FRMPD4: variants seen among roughly 807,000 people sequenced by gnomAD.
FRMPD4 encodes the protein FERM and PDZ domain-containing protein 4.
Under a neutral mutation model 94.1 loss-of-function variants are expected in FRMPD4, and 22 were observed. That is an observed-to-expected ratio of 0.23 (90% confidence interval 0.17 to 0.33). FRMPD4 has a LOEUF of 0.33. Ranked by LOEUF, FRMPD4 falls within the 10% of genes least tolerant of loss-of-function variation. The pLI is 1.00. For missense variants in FRMPD4, 1,111 were observed against 1,339.9 expected, an observed-to-expected ratio of 0.83 and a Z score of 2.67; for synonymous variants, 631 against 548.6, an observed-to-expected ratio of 1.15 and a Z score of -2.10.
At chrX:12,260,764 G>A (rs929977227) in intron 1 of FRMPD4, among the ~76,000 whole-genome samples, 3 of 111,900 alleles carry the variant, frequency 2.7e-5, no homozygotes, top group Non-Finnish European at 5.6e-5. Context: ...ACTCTGTACT[G>A]TAATTTATGT....
intron 3 of FRMPD4, among the ~76,000 whole-genome samples, chrX:12,128,823 C>T: frequency 8.9e-6 from 1 of 112,160 alleles, no homozygotes; most frequent in East Asian, 2.8e-4. Flanking sequence ...TAAATCATCT[C>T]TTTCAATGTC....
At chrX:12,529,328 G>T (rs771924512) in intron 2 of FRMPD4, among the ~76,000 whole-genome samples, 53 of 112,673 alleles carry the variant, frequency 4.7e-4, no homozygotes, top group South Asian at 2.6e-3. Context: ...AAACTGAGAA[G>T]GCTAAAAAGA....
chrX:12,054,256 T>A (rs1268597822), intron 3 of FRMPD4, among the ~76,000 whole-genome samples: 3 of 111,010 alleles, frequency 2.7e-5, no homozygotes, highest in Admixed American at 9.6e-5. Flanking sequence ...CTAAACCCCA[T>A]CAGCCAATCA....
rs1460577377 is a variant in FRMPD4 at position 12,721,055 on chromosome X, T to C, written c.4486T>C (p.Trp1496Arg). ...CTTGCGGAAGCTGGAGGGCAGCAAT[T>C]GGAGATGCCGGGGACCCTTCAGCTA... is the stretch of plus-strand genomic sequence containing the variant. Reference protein sequence around the residue: ...LPLRKLEGSNWRCRGPFSYCF... With the variant: ...LPLRKLEGSNRRCRGPFSYCF... Residue 1496 changes from tryptophan to arginine, a missense_variant, in exon 17 of 17, where the codon TGG (tryptophan) becomes CGG (arginine). By Grantham distance (101) the Trp-to-Arg change is moderately radical. This residue lies in a region of FRMPD4 where 551 missense variants were observed against 591.6 expected (regional missense o/e 0.93). Transcript: ENST00000675598. The C allele has an allele frequency of 6.8e-5, 51 of 753,774 alleles. No individual in the cohort carries two copies. Among genetic ancestry groups the C allele is most frequent in the Non-Finnish European group, 8.0e-5 (51 of 638,402 alleles). 62.1% of individuals were successfully genotyped at this position (753,774 alleles called of 1,213,427 possible).
intron 4 of FRMPD4, among the ~76,000 whole-genome samples, chrX:12,639,836 A>G (rs902065612): frequency 2.7e-5 from 3 of 112,014 alleles, no homozygotes; most frequent in Non-Finnish European, 5.6e-5. Flanking sequence ...AGAGTTACAC[A>G]GCCAGTAGAT....
intron 3 of FRMPD4, among the ~76,000 whole-genome samples, chrX:11,934,083 C>T (rs1190644038): frequency 7.1e-5 from 8 of 112,307 alleles, no homozygotes; most frequent in Non-Finnish European, 1.9e-5. Flanking sequence ...AACTAGTCTA[C>T]TGCCGCATAA....
At position 12,716,097 on chromosome X, in the gene FRMPD4, C is replaced by A; in HGVS notation, c.1638C>A (p.Leu546=). The A allele has an allele frequency of 9.3e-7, 1 of 1,077,570 alleles. No individual in the cohort carries two copies. Among genetic ancestry groups the A allele is most frequent in the Admixed American group, 2.5e-5 (1 of 40,240 alleles). The allele number at this position is 1,077,570 out of a possible 1,213,427, so 88.8% of individuals were successfully genotyped here. ...TGPENKGKHN[L]LGPDWNCIPQ... is the part of the protein sequence containing the mutation. ...CTGAAAACAAGGGGAAGCATAACCT[C>A]CTTGGCCCAGATTGGAACTGTATAC... is the stretch of plus-strand genomic sequence containing the variant. Residue 546 remains leucine (L), a synonymous_variant, in exon 15 of 17, where the codon CTC becomes CTA. Transcript: ENST00000675598.
chrX:12,080,520 G>A (rs1340327770), intron 3 of FRMPD4, among the ~76,000 whole-genome samples: 1 of 112,163 alleles, frequency 8.9e-6, no homozygotes, highest in Non-Finnish European at 1.9e-5. Context: ...AAAGCCTGTG[G>A]ATTTCTGTGA....
chrX:11,833,061 A>G (rs959791748), intron 1 of FRMPD4, among the ~76,000 whole-genome samples: 11 of 112,396 alleles, frequency 9.8e-5, no homozygotes, highest in Non-Finnish European at 1.9e-5. Context: ...TTTGCCTTTA[A>G]CAGAATGTCA....
chrX:12,229,884 G>C (rs769380320), intron 1 of FRMPD4, among the ~76,000 whole-genome samples: 2 of 111,960 alleles, frequency 1.8e-5, no homozygotes, highest in Non-Finnish European at 3.8e-5. Context: ...ACTGTAGCAC[G>C]TCTCCTGAAG....
intron 1 of FRMPD4, among the ~76,000 whole-genome samples, chrX:12,359,702 T>G (rs146841575): frequency 2.0e-3 from 220 of 111,587 alleles, no homozygotes; most frequent in African/African-American, 6.8e-3. Flanking sequence ...ACTCCCGACC[T>G]CATGATCCAC....
At chrX:12,274,883 C>G (rs1367148319) in intron 1 of FRMPD4, among the ~76,000 whole-genome samples, 2 of 111,761 alleles carry the variant, frequency 1.8e-5, no homozygotes, top group Admixed American at 1.9e-4. Context: ...GTGGTGGGCA[C>G]CTGTAGTCCC....
chrX:12,053,442 AG>A (rs1431653690), intron 3 of FRMPD4, among the ~76,000 whole-genome samples: 15 of 105,670 alleles, frequency 1.4e-4, no homozygotes, highest in African/African-American at 3.5e-4. Flanking sequence ...GAAAGAAAGA[AG>A]AGAAGAGAAG....
intron 4 of FRMPD4, among the ~76,000 whole-genome samples, chrX:12,668,215 C>T (rs914165490): frequency 5.5e-5 from 6 of 109,690 alleles, no homozygotes; most frequent in Non-Finnish European, 1.1e-4. Flanking sequence ...CTCCTAGGAT[C>T]GTTGGGTTAG....
chrX:12,213,018 T>C (rs753768582), intron 1 of FRMPD4, among the ~76,000 whole-genome samples: 1 of 111,592 alleles, frequency 9.0e-6, no homozygotes, highest in South Asian at 3.8e-4. Flanking sequence ...CCTAAGGCTC[T>C]GGATCAAGTC....
chrX:12,319,448 C>T (rs940243321), intron 1 of FRMPD4, among the ~76,000 whole-genome samples: 4 of 112,123 alleles, frequency 3.6e-5, no homozygotes, highest in South Asian at 3.7e-4. Context: ...TGTTTAAAAA[C>T]GACCCAGGTG....
intron 3 of FRMPD4, among the ~76,000 whole-genome samples, chrX:12,610,177 A>G (rs2059167830): frequency 8.9e-6 from 1 of 111,761 alleles, no homozygotes; most frequent in Non-Finnish European, 1.9e-5. Flanking sequence ...CCTGTACTGT[A>G]TTACAGTAAG....
At chrX:11,848,393 T>A (rs1256513719) in intron 1 of FRMPD4, among the ~76,000 whole-genome samples, 1 of 111,854 alleles carries the variant, frequency 8.9e-6, no homozygotes, top group Admixed American at 9.5e-5. Flanking sequence ...CAGCAAAGAT[T>A]GGTCAGAAAG....
intron 1 of FRMPD4, among the ~76,000 whole-genome samples, chrX:12,398,897 T>C (rs1394368476): frequency 8.9e-6 from 1 of 111,989 alleles, no homozygotes; most frequent in Middle Eastern, 4.6e-3. Flanking sequence ...TGTTTTTCAG[T>C]CTTCTCTGTG....
Sources: allele counts gnomAD v4.1 joint callset (sites outside exome capture counted in the v4.1 genomes callset), GRCh38; gene constraint gnomAD v4.1.1; regional missense constraint gnomAD v4.1.1; transcripts MANE v1.5; gene names NCBI Gene and HGNC (gene_info 2026-07-23, HGNC 2026-07-21).